ARHGEF3: variants seen among roughly 807,000 people sequenced by gnomAD.
ARHGEF3 encodes 59.8 kDA protein.
ARHGEF3 carries 28 observed loss-of-function variants against 63.2 expected under a neutral mutation model. That is an observed-to-expected ratio of 0.44 (90% confidence interval 0.33 to 0.61). The LOEUF (loss-of-function observed/expected upper bound fraction) is 0.61, where lower values mean the gene tolerates loss of function less well. Among genes scored for constraint, ARHGEF3 ranks in the 20% least tolerant of loss-of-function variants. ARHGEF3 has a pLI of 0.03. For synonymous variants in ARHGEF3, 266 were observed against 254.2 expected (o/e 1.05, Z -0.44); for missense variants, 533 against 659.3 (o/e 0.81, Z 2.10).
chr3:57,028,999 A>C (rs1223169771), intron 2 of ARHGEF3, among the ~76,000 whole-genome samples: 2 of 151,840 alleles, frequency 1.3e-5, no homozygotes, highest in African/African-American at 4.8e-5. Context: ...ACACACACAC[A>C]CACACACACA....
intron 1 of ARHGEF3, among the ~76,000 whole-genome samples, chr3:56,784,371 G>A (rs1444926954): frequency 6.6e-6 from 1 of 152,182 alleles, no homozygotes; most frequent in African/African-American, 2.4e-5. Flanking sequence ...GGAAAATGGG[G>A]CTGGACATCC....
intron 2 of ARHGEF3, among the ~76,000 whole-genome samples, chr3:57,030,484 C>G (rs1377158006): frequency 6.6e-6 from 1 of 152,196 alleles, no homozygotes; most frequent in Non-Finnish European, 1.5e-5. Context: ...TGTTTGTTGA[C>G]TGACTGACCA....
In ARHGEF3 at chr3:56,812,144, G is replaced by A. The variant is rs115597266; in HGVS notation, c.193-38328C>T. 6.8e-3 allele frequency among the ~76,000 whole-genome samples: 1,034 copies of A among 152,274 alleles called. 10 individuals are homozygous for A. Among genetic ancestry groups the A allele is most frequent in the African/African-American group, 0.023 (956 of 41,526 alleles). On this transcript the variant is annotated intron_variant, in intron 4 of 12. Coordinates refer to the ARHGEF3 transcript ENST00000338458. ...TGGGGCTAATCAAAGAACACGTCACGGAGGAAGCAAATCCAGAGAAGATTT... is the reference window on the plus strand; with the variant it reads ...TGGGGCTAATCAAAGAACACGTCACAGAGGAAGCAAATCCAGAGAAGATTT...
At chr3:57,054,955 A>T (rs994105975) in intron 1 of ARHGEF3, among the ~76,000 whole-genome samples, 3 of 151,866 alleles carry the variant, frequency 2.0e-5, no homozygotes, top group African/African-American at 7.2e-5. Context: ...AGCAAAAAAA[A>T]TTTTTTTGTA....
At chr3:56,986,404 G>A (rs1242142201) in intron 2 of ARHGEF3, among the ~76,000 whole-genome samples, 1 of 152,212 alleles carries the variant, frequency 6.6e-6, no homozygotes, top group Non-Finnish European at 1.5e-5. Flanking sequence ...AAAGTCTGGG[G>A]CCCCTGGGAG....
chr3:56,794,829 T>C (rs2037267838), intron 1 of ARHGEF3, among the ~76,000 whole-genome samples: 1 of 152,152 alleles, frequency 6.6e-6, no homozygotes. Context: ...AATTGTTGTA[T>C]TGTTATTTTT....
chr3:57,058,733 G>A (rs1705052570), intron 1 of ARHGEF3, among the ~76,000 whole-genome samples: 1 of 151,896 alleles, frequency 6.6e-6, no homozygotes, highest in Non-Finnish European at 1.5e-5. Flanking sequence ...GCAAAGACTT[G>A]GAACCAACCC....
At chr3:57,003,577 T>A (rs922396640) in intron 2 of ARHGEF3, among the ~76,000 whole-genome samples, 7 of 151,952 alleles carry the variant, frequency 4.6e-5, no homozygotes, top group Non-Finnish European at 7.4e-5. Flanking sequence ...GATGTCCCCA[T>A]CCTAATTCCC....
chr3:56,763,588 A>C (rs2035541701), intron 2 of ARHGEF3, among the ~76,000 whole-genome samples: 1 of 152,200 alleles, frequency 6.6e-6, no homozygotes, highest in Non-Finnish European at 1.5e-5. Context: ...AATGATAAGG[A>C]GAGAGCCTCA....
At chr3:56,942,726 C>T (rs776500375) in intron 3 of ARHGEF3, among the ~76,000 whole-genome samples, 3 of 152,098 alleles carry the variant, frequency 2.0e-5, no homozygotes, top group Admixed American at 6.5e-5. Flanking sequence ...ACCCAACAGC[C>T]GAGTTGTAAG....
intron 4 of ARHGEF3, among the ~76,000 whole-genome samples, chr3:56,876,655 A>G (rs893746579): frequency 6.6e-6 from 1 of 151,804 alleles, no homozygotes; most frequent in African/African-American, 2.4e-5. Flanking sequence ...AACAGGGCTC[A>G]TCTTGATGGT....
At chr3:56,914,416 T>C (rs2041933301) in intron 3 of ARHGEF3, among the ~76,000 whole-genome samples, 1 of 152,190 alleles carries the variant, frequency 6.6e-6, no homozygotes, top group African/African-American at 2.4e-5. Context: ...TGTCACCGTT[T>C]AACAATATTA....
chr3:56,834,166 A>T (rs1326379910), intron 4 of ARHGEF3, among the ~76,000 whole-genome samples: 2 of 151,956 alleles, frequency 1.3e-5, no homozygotes, highest in Admixed American at 1.3e-4. Flanking sequence ...GCCTCCCAAA[A>T]TTCTCGGATT....
intron 3 of ARHGEF3, among the ~76,000 whole-genome samples, chr3:56,902,762 C>T (rs766982974): frequency 6.6e-6 from 1 of 152,160 alleles, no homozygotes; most frequent in Non-Finnish European, 1.5e-5. Flanking sequence ...GACATGTGAG[C>T]AGACCAGAGA....
intron 4 of ARHGEF3, among the ~76,000 whole-genome samples, chr3:56,873,845 C>T (rs1350606798): frequency 6.6e-6 from 1 of 152,156 alleles, no homozygotes; most frequent in Non-Finnish European, 1.5e-5. Flanking sequence ...GGTGATAAAT[C>T]CCAACAAACA....
intron 8 of ARHGEF3, among the ~76,000 whole-genome samples, chr3:56,736,733 A>G (rs1318934394): frequency 6.6e-6 from 1 of 152,150 alleles, no homozygotes; most frequent in Non-Finnish European, 1.5e-5. Context: ...AATATGAATG[A>G]ATATATATAT....
intron 1 of ARHGEF3, among the ~76,000 whole-genome samples, chr3:57,042,689 TATATATATA>T (rs1228223752): frequency 0.044 from 1,094 of 25,080 alleles, 92 homozygotes; most frequent in Non-Finnish European, 0.05. Flanking sequence ...TATATATATA[TATATATATA>T]TATTTTTTTT....
chr3:57,000,725 G>T (rs776278863), intron 2 of ARHGEF3, among the ~76,000 whole-genome samples: 2 of 152,178 alleles, frequency 1.3e-5, no homozygotes, highest in African/African-American at 4.8e-5. Context: ...TAGAGATGGG[G>T]TTTCGCCATG....
intron 1 of ARHGEF3, among the ~76,000 whole-genome samples, chr3:57,056,384 C>A (rs867929330): frequency 3.5e-4 from 38 of 108,284 alleles, no homozygotes; most frequent in South Asian, 1.0e-3. Context: ...AAGACTCCAT[C>A]AAAAAAAAAA....
Sources: gnomAD v4.1 joint callset for allele counts (sites outside exome capture counted in the v4.1 genomes callset) on GRCh38, gnomAD v4.1.1 for gene constraint, MANE v1.5 for transcripts, NCBI Gene and HGNC (gene_info 2026-07-23, HGNC 2026-07-21) for gene names.